RDX: variants seen among roughly 807,000 people sequenced by gnomAD.
RDX encodes the protein radixin.
In RDX, 32 loss-of-function variants were observed where a neutral mutation model predicts 83.7. That is an observed-to-expected ratio of 0.38 (90% CI 0.29 to 0.51). The LOEUF is 0.51. Among genes scored for constraint, RDX ranks in the 20% least tolerant of loss-of-function variants. RDX has a pLI of 0.87. For synonymous variants in RDX, 229 were observed against 222.7 expected (o/e 1.03, Z -0.25); for missense variants, 600 against 689.9 (o/e 0.87, Z 1.46).
intron 1 of RDX, among the ~76,000 whole-genome samples, chr11:110,288,662 G>A (rs969108970): frequency 5.9e-5 from 9 of 152,122 alleles, no homozygotes; most frequent in African/African-American, 1.7e-4. Flanking sequence ...CACAGTCAAC[G>A]AGGCTATATG....
chr11:110,239,015 AC>A (rs1864974315), intron 10 of RDX, among the ~76,000 whole-genome samples: 1 of 152,020 alleles, frequency 6.6e-6, no homozygotes, highest in Admixed American at 6.6e-5. Flanking sequence ...GGTTAGGCTC[AC>A]GCCTGTAATC....
intron 2 of RDX, among the ~76,000 whole-genome samples, chr11:110,274,992 T>C (rs1200271337): frequency 1.3e-5 from 2 of 152,244 alleles, no homozygotes; most frequent in Non-Finnish European, 2.9e-5. Context: ...AATTGTACAA[T>C]GTAACTGTGT....
chr11:110,182,430 G>A (rs530897415), intron 15 of RDX, among the ~76,000 whole-genome samples: 21 of 152,222 alleles, frequency 1.4e-4, no homozygotes, highest in Middle Eastern at 3.4e-3. Context: ...GCAAAACCCC[G>A]TCTCTACTGA....
intron 1 of RDX, among the ~76,000 whole-genome samples, chr11:110,282,438 C>T (rs1210565244): frequency 2.0e-5 from 3 of 151,512 alleles, no homozygotes; most frequent in Non-Finnish European, 4.4e-5. Context: ...AGACTGCTAA[C>T]TAATTTCATT....
At position 110,237,565 on chromosome 11, in the gene RDX, C is replaced by T. The variant is rs764536750; in HGVS notation, c.1178G>A (p.Arg393His). 4.3e-6 allele frequency: 7 copies of T among 1,614,016 alleles called. No homozygotes were observed. Among genetic ancestry groups the T allele is most frequent in the Non-Finnish European group, 4.2e-6 (5 of 1,180,032 alleles). The change falls in exon 11 of 14, where the codon CGT becomes CAT. Residue 393 changes from arginine (R) to histidine (H), a missense_variant. Arg to His is a conservative substitution (Grantham distance 29). Coordinates refer to ENST00000645495, the MANE Select transcript of RDX (RefSeq NM_002906.4). ...KEEAERLEKE[R>H]RAAEEAKSAI... ...AGACTTTGCCTCTTCAGCAGCTCGA[C>T]GCTCCTTTTCAAGTCGTTCTGCTTC...
chr11:110,236,378 G>A (rs1341868014), intron 11 of RDX, 187 bp from the exon 12 acceptor site: 16 of 545,794 alleles, frequency 2.9e-5, no homozygotes, highest in Non-Finnish European at 5.2e-5. Context: ...ATGAGCTAAG[G>A]AGACAAAATT....
At chr11:110,242,174 C>A (rs564002256) in intron 10 of RDX, among the ~76,000 whole-genome samples, 9 of 152,018 alleles carry the variant, frequency 5.9e-5, no homozygotes, top group Admixed American at 1.3e-4. Flanking sequence ...AAAAACTGGC[C>A]GGGCACGGTG....
chr11:110,262,655 T>C (rs1859852499), intron 5 of RDX, among the ~76,000 whole-genome samples: 1 of 152,090 alleles, frequency 6.6e-6, no homozygotes, highest in East Asian at 1.9e-4. Flanking sequence ...TCAATACTAC[T>C]AAATAACACG....
At chr11:110,207,102 T>C (rs182170473) in intron 14 of RDX, among the ~76,000 whole-genome samples, 1 of 152,244 alleles carries the variant, frequency 6.6e-6, no homozygotes, top group Admixed American at 6.5e-5. Flanking sequence ...GCCCCCCTAG[T>C]AGCCAGGATT....
chr11:110,179,919 T>TTTG, intron 15 of RDX: 1 of 414,466 alleles, frequency 2.4e-6, no homozygotes. Context: ...TTTTTTTTTT[T>TTTG]GAGACAGAGT....
intron 15 of RDX, chr11:110,179,805 T>G (rs576235755): frequency 7.7e-5 from 29 of 378,862 alleles, no homozygotes; most frequent in African/African-American, 5.8e-4. Flanking sequence ...CTAACAAGGT[T>G]AAGTTGTACC....
At chr11:110,260,174 CG>C (rs1398308721) in intron 5 of RDX, among the ~76,000 whole-genome samples, 2 of 151,834 alleles carry the variant, frequency 1.3e-5, no homozygotes, top group African/African-American at 4.8e-5. Flanking sequence ...TTAGTAGAGA[CG>C]GGGTTTCTCC....
intron 14 of RDX, among the ~76,000 whole-genome samples, chr11:110,213,197 A>G (rs1863905558): frequency 6.6e-6 from 1 of 151,652 alleles, no homozygotes; most frequent in Non-Finnish European, 1.5e-5. Flanking sequence ...CACCAACAAC[A>G]GACAAACAGA....
At chr11:110,214,402 A>G (rs1441315893) in intron 14 of RDX, among the ~76,000 whole-genome samples, 2 of 131,070 alleles carry the variant, frequency 1.5e-5, no homozygotes. Flanking sequence ...GGGACTGTAA[A>G]CTAGTTCAAC....
chr11:110,289,810 G>A (rs535763500), intron 1 of RDX, among the ~76,000 whole-genome samples: 3 of 150,686 alleles, frequency 2.0e-5, no homozygotes, highest in South Asian at 4.2e-4. Flanking sequence ...AGTCAGACGT[G>A]GTGACCTGTT....
chr11:110,208,092 T>C (rs1342677699), intron 14 of RDX, among the ~76,000 whole-genome samples: 1 of 151,966 alleles, frequency 6.6e-6, no homozygotes, highest in Admixed American at 6.6e-5. Flanking sequence ...AGTGCTGGGG[T>C]TACAGGCATG....
At chr11:110,176,521 A>G (rs1862777230) in intron 15 of RDX, among the ~76,000 whole-genome samples, 1 of 152,080 alleles carries the variant, frequency 6.6e-6, no homozygotes, top group African/African-American at 2.4e-5. Context: ...GCCTGGGGAC[A>G]TTGCCATCAC....
intron 14 of RDX, among the ~76,000 whole-genome samples, chr11:110,211,296 T>C (rs1453351579): frequency 6.6e-6 from 1 of 152,174 alleles, no homozygotes; most frequent in Non-Finnish European, 1.5e-5. Context: ...ATCCTAAATA[T>C]ATATGCACCC....
At chr11:110,196,583 T>C (rs936290456) in intron 15 of RDX, among the ~76,000 whole-genome samples, 3 of 152,232 alleles carry the variant, frequency 2.0e-5, no homozygotes, top group Admixed American at 6.5e-5. Flanking sequence ...AGAGAAATTG[T>C]TGAGCAGCCA....
Sources: gnomAD v4.1 joint callset for allele counts (sites outside exome capture counted in the v4.1 genomes callset) on GRCh38, gnomAD v4.1.1 for gene constraint, MANE v1.5 for transcripts, NCBI Gene and HGNC (gene_info 2026-07-23, HGNC 2026-07-21) for gene names.